Variants in TYW1 observed in about 807,000 individuals in gnomAD.
The protein encoded by TYW1 is tRNA-yW synthesizing protein 1 homolog.
Under a neutral mutation model 96.2 loss-of-function variants are expected in TYW1, and 46 were observed. The ratio of observed to expected loss-of-function variants is 0.48; its 90% CI spans 0.38 to 0.61. The LOEUF (loss-of-function observed/expected upper bound fraction) is 0.61, where lower values mean the gene tolerates loss of function less well. Ranked by LOEUF, TYW1 falls within the 20% of genes least tolerant of loss-of-function variation. The pLI, the probability that TYW1 is intolerant of heterozygous loss-of-function variation, is 0.00. For synonymous variants in TYW1, 274 were observed against 323.0 expected, an observed-to-expected ratio of 0.85 and a Z score of 1.63; for missense variants, 684 against 909.6, an observed-to-expected ratio of 0.75 and a Z score of 3.19.
intron 13 of TYW1, among the ~76,000 whole-genome samples, chr7:67,182,897 A>C (rs4145351): frequency 0.37 from 56,006 of 149,692 alleles, 11,192 homozygotes; most frequent in African/African-American, 0.5. Context: ...TGTTGTGGGG[A>C]AGAGAAAATA....
intron 9 of TYW1, among the ~76,000 whole-genome samples, chr7:67,066,683 T>C (rs990627345): frequency 6.6e-6 from 1 of 152,122 alleles, no homozygotes; most frequent in African/African-American, 2.4e-5. Flanking sequence ...ACCTCATCTC[T>C]ACAAAAAATT....
intron 10 of TYW1, among the ~76,000 whole-genome samples, chr7:67,080,474 C>T (rs989072172): frequency 2.2e-4 from 33 of 151,554 alleles, no homozygotes; most frequent in East Asian, 2.1e-3. Flanking sequence ...GGCACAATCT[C>T]GGCTCACTGC....
chr7:67,162,731 G>A (rs10243217), intron 13 of TYW1, among the ~76,000 whole-genome samples: 42,739 of 152,038 alleles, frequency 0.28, 6,520 homozygotes, highest in African/African-American at 0.4. Context: ...AAGTCAGTAC[G>A]TTGCTTGAAG....
chr7:67,130,596 A>G (rs58448907), intron 13 of TYW1, among the ~76,000 whole-genome samples: 36,043 of 151,658 alleles, frequency 0.24, 4,520 homozygotes, highest in African/African-American at 0.3. Context: ...CCTGGGAGGT[A>G]GAGCTTGCAG....
Position 67,050,028 on chromosome 7 carries a change from T to C in TYW1, c.1064T>C (p.Met355Thr). The C allele has an allele frequency of 6.2e-6, 10 of 1,614,108 alleles. No homozygotes were observed. The highest frequency in any genetic ancestry group is 7.6e-6 in the Non-Finnish European group (9 of 1,179,998). ...AATGAAGATGGTGAAAGAAGAGCTA[T>C]GATAACTCCTGCTCTCCGAGAAGCC... ...GRNEDGERRA[M>T]ITPALREALT... Residue 355 changes from methionine (M) to threonine (T), a missense_variant, in exon 8 of 16, where the codon ATG becomes ACG. By Grantham distance (81) the Met-to-Thr change is moderately conservative (BLOSUM62 -1). Coordinates refer to ENST00000359626, the MANE Select transcript of TYW1 (RefSeq NM_018264.4).
chr7:67,015,856 G>A (rs576948180), intron 5 of TYW1, among the ~76,000 whole-genome samples: 8 of 151,840 alleles, frequency 5.3e-5, no homozygotes, highest in South Asian at 2.1e-4. Flanking sequence ...CCAGCTACTC[G>A]GGAGGCTGAG....
chr7:67,148,570 C>G lies in TYW1; in HGVS notation c.1698+30952C>G, dbSNP rs200807214. On this transcript the variant is annotated intron_variant, in intron 13 of 15. Coordinates refer to ENST00000359626, the MANE Select transcript of TYW1 (RefSeq NM_018264.4). Reference sequence around the variant, plus strand: ...CCTCCCGAGTAGCTGGGACTACAGGCGCCTGCCACCACGCCCGGCTAATTT... The same window carrying G: ...CCTCCCGAGTAGCTGGGACTACAGGGGCCTGCCACCACGCCCGGCTAATTT... Among the ~76,000 whole-genome samples, 13 of 151,516 alleles carry G rather than the reference C, an allele frequency of 8.6e-5. 1 individual carries two copies. Among genetic ancestry groups the G allele is most frequent in the African/African-American group, 3.2e-4 (13 of 41,254 alleles).
At chr7:67,133,912 C>T (rs1422376067) in intron 13 of TYW1, among the ~76,000 whole-genome samples, 1 of 151,794 alleles carries the variant, frequency 6.6e-6, no homozygotes, top group Non-Finnish European at 1.5e-5. Context: ...CAGGACTCCA[C>T]TCAAATATCA....
At chr7:67,019,218 A>G (rs1437555077) in intron 6 of TYW1, among the ~76,000 whole-genome samples, 1 of 152,138 alleles carries the variant, frequency 6.6e-6, no homozygotes, top group Non-Finnish European at 1.5e-5. Context: ...ACAGGCTCAC[A>G]CCTTCCCTTG....
chr7:67,103,299 G>C (rs949788497), intron 12 of TYW1, among the ~76,000 whole-genome samples: 2 of 152,162 alleles, frequency 1.3e-5, no homozygotes, highest in African/African-American at 4.8e-5. Context: ...CCTGGCTTGG[G>C]AATAATGTGT....
chr7:67,193,953 G>C (rs1800308305), intron 14 of TYW1, among the ~76,000 whole-genome samples: 1 of 151,808 alleles, frequency 6.6e-6, no homozygotes, highest in Non-Finnish European at 1.5e-5. Context: ...TCATTTCTGG[G>C]ATTTTCTCAA....
chr7:67,226,057 A>G (rs901517787), intron 15 of TYW1, among the ~76,000 whole-genome samples: 1 of 151,932 alleles, frequency 6.6e-6, no homozygotes, highest in Non-Finnish European at 1.5e-5. Flanking sequence ...TTCACAAGAT[A>G]CCACTGTAAT....
At chr7:67,062,293 C>T (rs1795716641) in intron 9 of TYW1, among the ~76,000 whole-genome samples, 1 of 151,828 alleles carries the variant, frequency 6.6e-6, no homozygotes, top group South Asian at 2.1e-4. Flanking sequence ...CCTGTAGTCG[C>T]AGCTACTCAG....
In TYW1 at chr7:67,145,415, C is replaced by A. The variant is rs1475366111; in HGVS notation, c.1698+27797C>A. 2.0e-5 allele frequency among the ~76,000 whole-genome samples: 3 copies of A among 152,126 alleles called. No individual in the cohort carries two copies. The East Asian group carries it at 5.8e-4, about 29-fold the overall frequency. On this transcript the variant is annotated intron_variant, in intron 13 of 15. Coordinates refer to ENST00000359626, the MANE Select transcript of TYW1 (RefSeq NM_018264.4). ...CCACCCGCCTCGGCCTCCCAAAGTG[C>A]TGGGATTACAGGCGTGAGCCACCGC...
At chr7:66,999,017 A>C (rs533251089) in intron 3 of TYW1, 63 bp downstream of exon 3, 3 of 1,568,968 alleles carry the variant, frequency 1.9e-6, no homozygotes, top group South Asian at 1.1e-5. Flanking sequence ...TCCCTTTAGC[A>C]GTGAACTTTA....
intron 7 of TYW1, among the ~76,000 whole-genome samples, chr7:67,042,442 G>A (rs1226286525): frequency 3.3e-5 from 5 of 152,144 alleles, no homozygotes; most frequent in African/African-American, 7.2e-5. Context: ...GACAGATGGA[G>A]ATATGGGAGG....
chr7:67,220,335 C>G (rs1801347828), intron 15 of TYW1, among the ~76,000 whole-genome samples: 1 of 151,378 alleles, frequency 6.6e-6, no homozygotes, highest in African/African-American at 2.4e-5. Context: ...TCCCGAGTAG[C>G]TGGGACTACA....
intron 9 of TYW1, among the ~76,000 whole-genome samples, chr7:67,058,549 T>A (rs1795600095): frequency 6.6e-6 from 1 of 151,934 alleles, no homozygotes. Context: ...GTGGTGCAAT[T>A]TCGGCTCACT....
At chr7:67,098,315 T>C (rs34016117) in intron 11 of TYW1, among the ~76,000 whole-genome samples, 12 of 152,360 alleles carry the variant, frequency 7.9e-5, no homozygotes, top group African/African-American at 2.6e-4. Context: ...GTTTTGCCTG[T>C]TTGTATTGAT....
Sources: gnomAD v4.1 joint callset for allele counts (sites outside exome capture counted in the v4.1 genomes callset) on GRCh38, gnomAD v4.1.1 for gene constraint, MANE v1.5 for transcripts, NCBI Gene and HGNC (gene_info 2026-07-23, HGNC 2026-07-21) for gene names.